The following RAI14 variants were observed in gnomAD, a reference collection of about 807,000 sequenced individuals.
RAI14 encodes the protein retinoic acid induced 14.
A neutral mutation model predicts 115.4 loss-of-function variants in RAI14; 45 were observed. The observed-to-expected ratio is 0.39, with a 90% CI of 0.31 to 0.50. The LOEUF is 0.50. Among genes scored for constraint, RAI14 ranks in the 20% least tolerant of loss-of-function variants. RAI14 has a pLI of 0.85. For synonymous variants in RAI14, 371 were observed against 415.4 expected (o/e 0.89, Z 1.30); for missense variants, 939 against 1,131.2 (o/e 0.83, Z 2.44).
chr5:34,687,428 C>T (rs916256206), intron 2 of RAI14: 3 of 591,696 alleles, frequency 5.1e-6, no homozygotes, highest in South Asian at 4.3e-5. Context: ...TACTGCTGCC[C>T]GTACCTTTCC....
At position 34,830,757 on chromosome 5, in the gene RAI14, A is replaced by C. The variant is rs1757960024; in HGVS notation, c.2935A>C (p.Lys979Gln). 1 of 1,614,032 alleles carries C rather than the reference A, an allele frequency of 6.2e-7. No homozygotes were observed. The highest frequency in any genetic ancestry group is 8.5e-7 in the Non-Finnish European group (1 of 1,179,990). ...ILTMCKNQSQ[K>Q]K Reference sequence around the variant, plus strand: ...TACCATGTGTAAAAACCAGTCTCAAAAGAAGTAAAGTGGATTCCTTGGCAG... The same window carrying C: ...TACCATGTGTAAAAACCAGTCTCAACAGAAGTAAAGTGGATTCCTTGGCAG... Residue 979 changes from lysine (K) to glutamine (Q), a missense_variant, in exon 18 of 18, where the codon AAG (lysine) becomes CAG (glutamine). Physicochemically the swap from Lys to Gln is moderately conservative, Grantham distance 53 (BLOSUM62 1). Coordinates refer to ENST00000265109, the MANE Select transcript of RAI14 (RefSeq NM_015577.3).
intron 14 of RAI14, among the ~76,000 whole-genome samples, chr5:34,822,583 T>C (rs937339038): frequency 3.4e-5 from 5 of 149,156 alleles, no homozygotes; most frequent in East Asian, 2.0e-4. Flanking sequence ...GGCAAAGTGA[T>C]CATGCTACTC....
intron 2 of RAI14, among the ~76,000 whole-genome samples, chr5:34,744,826 G>A (rs530325184): frequency 1.3e-5 from 2 of 152,282 alleles, no homozygotes; most frequent in African/African-American, 4.8e-5. Flanking sequence ...AATGATTCTC[G>A]AAAATCAAGG....
chr5:34,787,222 A>G (rs1752407386), intron 3 of RAI14, among the ~76,000 whole-genome samples: 2 of 152,202 alleles, frequency 1.3e-5, no homozygotes, highest in African/African-American at 4.8e-5. Flanking sequence ...GCCTGTTCCC[A>G]ACAGCCATAT....
intron 2 of RAI14, among the ~76,000 whole-genome samples, chr5:34,743,049 A>T (rs1745723383): frequency 6.6e-6 from 1 of 152,182 alleles, no homozygotes; most frequent in African/African-American, 2.4e-5. Context: ...GTTCCTGCAG[A>T]AGGCTGCTGT....
intron 4 of RAI14, among the ~76,000 whole-genome samples, chr5:34,799,539 C>A (rs866192533): frequency 0.041 from 2,336 of 57,216 alleles, 78 homozygotes; most frequent in African/African-American, 0.1. Flanking sequence ...CACACACACA[C>A]AAAACCACCT....
chr5:34,723,900 A>G (rs965554258), intron 2 of RAI14, among the ~76,000 whole-genome samples: 14 of 152,222 alleles, frequency 9.2e-5, no homozygotes, highest in Admixed American at 7.2e-4. Flanking sequence ...CAAAATTTCA[A>G]TACTCATGCT....
intron 2 of RAI14, among the ~76,000 whole-genome samples, chr5:34,714,260 G>A (rs1372754403): frequency 6.6e-6 from 1 of 152,060 alleles, no homozygotes; most frequent in Non-Finnish European, 1.5e-5. Context: ...TTAGACTTCT[G>A]TTTGATGGTT....
rs902921083 is a variant in RAI14, at chr5:34,829,608, G to C, written c.2800-124G>C. On this transcript the variant is annotated intron_variant, in intron 16 of 17. Coordinates refer to ENST00000265109, the MANE Select transcript of RAI14 (RefSeq NM_015577.3). ...GCCACAACAATTTTAGAAGCTTCCA[G>C]TGCTAGCATAAAGTGGAGGGGACCA... The C allele has an allele frequency of 1.4e-5, 9 of 656,106 alleles. No homozygotes were observed. The South Asian group carries it at 1.9e-4, about 14-fold the overall frequency. 40.6% of individuals were successfully genotyped at this position (656,106 alleles called of 1,614,324 possible).
At chr5:34,754,842 C>G (rs998916502) in intron 2 of RAI14, among the ~76,000 whole-genome samples, 2 of 152,120 alleles carry the variant, frequency 1.3e-5, no homozygotes, top group Non-Finnish European at 2.9e-5. Context: ...TTTTAGGGAA[C>G]CCCTGCAATC....
At chr5:34,745,234 G>A (rs888284293) in intron 2 of RAI14, among the ~76,000 whole-genome samples, 1 of 152,172 alleles carries the variant, frequency 6.6e-6, no homozygotes, top group Admixed American at 6.5e-5. Context: ...GAAGGTACTA[G>A]CACATACTCA....
At chr5:34,799,406 C>T (rs1753916511) in intron 4 of RAI14, among the ~76,000 whole-genome samples, 1 of 151,796 alleles carries the variant, frequency 6.6e-6, no homozygotes, top group South Asian at 2.1e-4. Context: ...CACCTTCAAT[C>T]TGAAGATCCA....
intron 17 of RAI14, 74 bp from the exon 18 acceptor site, chr5:34,830,614 T>G (rs1409326547): frequency 6.2e-7 from 1 of 1,603,912 alleles, no homozygotes; most frequent in Non-Finnish European, 8.5e-7. Flanking sequence ...CAGTCAGCCA[T>G]CTCATTCCCC....
chr5:34,657,594 T>C (rs1742376376), intron 1 of RAI14, among the ~76,000 whole-genome samples: 1 of 152,166 alleles, frequency 6.6e-6, no homozygotes. Flanking sequence ...GCGGCTTCTC[T>C]TCGCCGCAGC....
intron 2 of RAI14, among the ~76,000 whole-genome samples, chr5:34,719,467 T>A (rs565839528): frequency 1.3e-5 from 2 of 152,142 alleles, no homozygotes; most frequent in Non-Finnish European, 2.9e-5. Context: ...TGCAAGGTGG[T>A]TCTGGAGAGT....
At chr5:34,822,257 TA>T (rs1482347097) in intron 14 of RAI14, among the ~76,000 whole-genome samples, 13 of 145,688 alleles carry the variant, frequency 8.9e-5, no homozygotes, top group Non-Finnish European at 1.5e-4. Flanking sequence ...TATGTATATA[TA>T]TATATATATA....
Position 34,778,719 on chromosome 5 carries a change from CAGTG to C in RAI14, c.168-17217_168-17214del, listed in dbSNP as rs1182517049. On this transcript the variant is annotated intron_variant, in intron 3 of 17. Transcript: ENST00000265109. Reference sequence around the variant, plus strand: ...GAATTTGAGACCAGGCTGGGCAACACAGTGAGACCCCGTTTCTGTGATTTTTTTT... The same window carrying C: ...GAATTTGAGACCAGGCTGGGCAACACAGACCCCGTTTCTGTGATTTTTTTT... Among the ~76,000 whole-genome samples, 4 of 148,270 alleles carry C rather than the reference CAGTG, an allele frequency of 2.7e-5. No homozygotes were observed. In the East Asian group the frequency reaches 7.9e-4, roughly 29 times the overall value.
intron 4 of RAI14, among the ~76,000 whole-genome samples, chr5:34,803,412 G>T (rs1353629807): frequency 6.6e-6 from 1 of 152,084 alleles, no homozygotes; most frequent in Admixed American, 6.6e-5. Context: ...CCCAGGTGTG[G>T]TGTCATGCTA....
chr5:34,772,903 AT>A (rs1750357423), intron 3 of RAI14, among the ~76,000 whole-genome samples: 1 of 152,240 alleles, frequency 6.6e-6, no homozygotes, highest in Admixed American at 6.5e-5. Context: ...GAGTAGGGAC[AT>A]TCCAAATATC....
Sources: allele counts gnomAD v4.1 joint callset (sites outside exome capture counted in the v4.1 genomes callset), GRCh38; gene constraint gnomAD v4.1.1; transcripts MANE v1.5; gene names NCBI Gene and HGNC (gene_info 2026-07-23, HGNC 2026-07-21).